FBXW7: variants seen among roughly 807,000 people sequenced by gnomAD.
FBXW7 encodes the protein F-box and WD repeat domain containing 7.
In FBXW7, 11 loss-of-function variants were observed where a neutral mutation model predicts 86.3. The observed-to-expected ratio is 0.13, with a 90% CI of 0.08 to 0.21. The LOEUF (loss-of-function observed/expected upper bound fraction) is 0.21. FBXW7 is among the 10% of genes least tolerant of loss of function. The pLI, the probability that FBXW7 is intolerant of heterozygous loss-of-function variation, is 1.00. For missense variants in FBXW7, 488 were observed against 847.4 expected (o/e 0.58, Z 5.27); for synonymous variants, 313 against 297.9 (o/e 1.05, Z -0.52).
intron 11 of FBXW7, 34 bp from the exon 12 acceptor site, chr4:152,326,265 C>CA (rs1464594597): frequency 5.4e-6 from 8 of 1,493,768 alleles, no homozygotes; most frequent in African/African-American, 1.4e-5. Context: ...CAAAACAAAA[C>CA]AAAAAAACCC....
intron 2 of FBXW7, among the ~76,000 whole-genome samples, chr4:152,497,047 G>A (rs1746416519): frequency 6.6e-6 from 1 of 152,156 alleles, no homozygotes; most frequent in Non-Finnish European, 1.5e-5. Context: ...CGAAGGCCGG[G>A]CACAATGGCT....
At chr4:152,339,271 C>G (rs1036014751) in intron 6 of FBXW7, among the ~76,000 whole-genome samples, 2 of 152,114 alleles carry the variant, frequency 1.3e-5, no homozygotes, top group African/African-American at 4.8e-5. Context: ...TACATTGTAT[C>G]TTTTTTGGTC....
At chr4:152,489,238 C>T (rs10021011) in intron 2 of FBXW7, 1 of 153,986 alleles carries the variant, frequency 6.5e-6, no homozygotes, top group Non-Finnish European at 1.5e-5. Context: ...GTGTTGCCCT[C>T]GAATTTGAAC....
chr4:152,527,609 AT>A (rs919190403), intron 2 of FBXW7, among the ~76,000 whole-genome samples: 13 of 150,522 alleles, frequency 8.6e-5, no homozygotes, highest in Middle Eastern at 3.2e-3. Context: ...TCTTTACAGA[AT>A]TTTTTTTTTA....
At chr4:152,490,181 G>A (rs1745701724) in intron 2 of FBXW7, among the ~76,000 whole-genome samples, 1 of 152,050 alleles carries the variant, frequency 6.6e-6, no homozygotes, top group Non-Finnish European at 1.5e-5. Flanking sequence ...GAGGAAAGAT[G>A]GGAGTTATTG....
At chr4:152,391,305 G>A (rs772414421) in intron 4 of FBXW7, among the ~76,000 whole-genome samples, 9 of 151,912 alleles carry the variant, frequency 5.9e-5, no homozygotes, top group East Asian at 1.9e-4. Flanking sequence ...GGCCTTTTAC[G>A]CTGTCAATAT....
intron 2 of FBXW7, among the ~76,000 whole-genome samples, chr4:152,416,141 C>T (rs1196582102): frequency 6.6e-6 from 1 of 152,118 alleles, no homozygotes; most frequent in Non-Finnish European, 1.5e-5. Flanking sequence ...ATCTCCAGCA[C>T]CCACAAAAAT....
chr4:152,468,343 A>G (rs928732525), intron 2 of FBXW7, among the ~76,000 whole-genome samples: 27 of 152,232 alleles, frequency 1.8e-4, no homozygotes, highest in African/African-American at 6.5e-4. Context: ...AAGCGCTCCT[A>G]ATAGCCAAAA....
Position 152,320,962 on chromosome 4 carries a change from T to A in FBXW7, c.*1919A>T, listed in dbSNP as rs1247330444. 1 of 157,102 alleles carries A rather than the reference T, an allele frequency of 6.4e-6. No individual in the cohort carries two copies. Among genetic ancestry groups the A allele is most frequent in the African/African-American group, 2.4e-5 (1 of 41,622 alleles). 9.7% of individuals were successfully genotyped at this position (157,102 alleles called of 1,614,324 possible). ...TTTATAAGGCTTCTAGTTGTAATTA[T>A]CACAAAAGTTTTGTGGATTCTTTGA... On this transcript the variant is annotated 3_prime_UTR_variant, in exon 14 of 14. Transcript: ENST00000281708.
chr4:152,484,482 C>T (rs1041023550), intron 2 of FBXW7, among the ~76,000 whole-genome samples: 1 of 151,754 alleles, frequency 6.6e-6, no homozygotes, highest in Non-Finnish European at 1.5e-5. Context: ...GCTACACATA[C>T]AAGGGGAAAA....
At chr4:152,390,855 T>G (rs1000406953) in intron 4 of FBXW7, among the ~76,000 whole-genome samples, 1 of 147,608 alleles carries the variant, frequency 6.8e-6, no homozygotes, top group Non-Finnish European at 1.5e-5. Context: ...TAATTGTGTG[T>G]TTTTTTGCTA....
At chr4:152,510,506 GA>G (rs1427470909) in intron 2 of FBXW7, among the ~76,000 whole-genome samples, 1 of 151,994 alleles carries the variant, frequency 6.6e-6, no homozygotes, top group African/African-American at 2.4e-5. Flanking sequence ...ATTGTTTTCA[GA>G]ACAAGTAAAA....
chr4:152,350,682 G>A (rs1437976778), intron 4 of FBXW7, among the ~76,000 whole-genome samples: 3 of 151,664 alleles, frequency 2.0e-5, no homozygotes, highest in African/African-American at 7.3e-5. Flanking sequence ...GGGCAATAAG[G>A]ACAGTTTTAA....
intron 2 of FBXW7, among the ~76,000 whole-genome samples, chr4:152,482,771 AG>A (rs1449668299): frequency 6.6e-6 from 1 of 152,062 alleles, no homozygotes; most frequent in African/African-American, 2.4e-5. Flanking sequence ...TATTTTTCTT[AG>A]TTCCTTTTAT....
chr4:152,514,281 C>G (rs767834727), intron 2 of FBXW7, among the ~76,000 whole-genome samples: 3 of 152,136 alleles, frequency 2.0e-5, no homozygotes, highest in Non-Finnish European at 4.4e-5. Flanking sequence ...TAAGAAGCAA[C>G]ATTCTTCCCA....
rs145945682 is a variant in FBXW7, at chr4:152,432,499, AC to A, written c.-119-19971del. The stretch of plus-strand genomic sequence containing the variant: ...AAACATATATATCTATATATACAAC[AC>A]CTTAATCAAGACACAGAATATTTCA... On this transcript the variant is annotated intron_variant, in intron 2 of 13. Coordinates refer to ENST00000281708, the MANE Select transcript of FBXW7 (RefSeq NM_001349798.2). 1.5e-3 allele frequency among the ~76,000 whole-genome samples: 228 copies of A among 152,242 alleles called. 4 individuals carry two copies. The East Asian group carries it at 0.039, about 26-fold the overall frequency.
In FBXW7 at chr4:152,322,809, T is replaced by C. The variant is rs1408308610; in HGVS notation, c.*72A>G. On this transcript the variant is annotated 3_prime_UTR_variant, in exon 14 of 14. Transcript: ENST00000281708. Reference sequence around the variant, plus strand: ...GGATTTTTTTCTTTTTCTTTTCTTTTTTTCTTTTTGCAGGGGGAAGGGCAG... The same window carrying C: ...GGATTTTTTTCTTTTTCTTTTCTTTCTTTCTTTTTGCAGGGGGAAGGGCAG... The C allele has an allele frequency of 6.4e-7, 1 of 1,565,962 alleles. No individual in the cohort carries two copies. Among genetic ancestry groups the C allele is most frequent in the East Asian group, 2.3e-5 (1 of 44,334 alleles).
chr4:152,397,164 A>C (rs1736487316), intron 4 of FBXW7, among the ~76,000 whole-genome samples: 1 of 151,962 alleles, frequency 6.6e-6, no homozygotes, highest in Non-Finnish European at 1.5e-5. Flanking sequence ...ATCTTCCTTC[A>C]CCAAAAGACA....
intron 2 of FBXW7, among the ~76,000 whole-genome samples, chr4:152,445,734 C>A (rs577591042): frequency 1.3e-5 from 2 of 151,864 alleles, no homozygotes; most frequent in East Asian, 3.9e-4. Context: ...ATGGCAGAAC[C>A]CCATCTCTAT....
Sources: allele counts gnomAD v4.1 joint callset (sites outside exome capture counted in the v4.1 genomes callset), GRCh38; gene constraint gnomAD v4.1.1; transcripts MANE v1.5; gene names NCBI Gene and HGNC (gene_info 2026-07-23, HGNC 2026-07-21).